Variants in ZNF860 observed in about 807,000 individuals in gnomAD.
ZNF860 encodes zinc finger protein 860.
For synonymous variants in ZNF860, 206 were observed against 248.9 expected (o/e 0.83, Z 1.62); for missense variants, 641 against 759.2 (o/e 0.84, Z 1.83).
At chr3:32,001,343 TTC>T in the ZNF860 span, among the ~76,000 whole-genome samples, 2 of 152,230 alleles carry the variant, frequency 1.3e-5, no homozygotes, top group African/African-American at 4.8e-5. Flanking sequence ...TGTTGGTGTA[TTC>T]TGTCTGGCAT....
At chr3:31,993,775 T>G (rs1699061145), downstream of ZNF860, among the ~76,000 whole-genome samples, 1 of 151,938 alleles carries the variant, frequency 6.6e-6, no homozygotes, top group African/African-American at 2.4e-5. Context: ...CTGGTGAGAG[T>G]GCAAAATAAT....
chr3:31,997,731 T>C, the ZNF860 span, among the ~76,000 whole-genome samples: 1 of 152,188 alleles, frequency 6.6e-6, no homozygotes, highest in Non-Finnish European at 1.5e-5. Flanking sequence ...AGTTAGTGCC[T>C]CTTCCTTGTC....
At chr3:31,992,048 A>G (rs1699037968), downstream of ZNF860, among the ~76,000 whole-genome samples, 1 of 151,628 alleles carries the variant, frequency 6.6e-6, no homozygotes, top group Non-Finnish European at 1.5e-5. Context: ...GGGGAGGCTG[A>G]GGCAGGAGAA....
At chr3:31,997,913 G>A in the ZNF860 span, among the ~76,000 whole-genome samples, 1 of 151,966 alleles carries the variant, frequency 6.6e-6, no homozygotes, top group Non-Finnish European at 1.5e-5. Flanking sequence ...TTAGCCTCCC[G>A]AGTAGCTGGG....
chr3:31,987,288 G>A (rs1383971077), intron 1 of ZNF860, among the ~76,000 whole-genome samples: 3 of 152,148 alleles, frequency 2.0e-5, no homozygotes, highest in Admixed American at 6.5e-5. Context: ...TTCCTTTAGA[G>A]CTATATTATC....
At chr3:31,994,067 T>G (rs1037945222), downstream of ZNF860, among the ~76,000 whole-genome samples, 10 of 152,212 alleles carry the variant, frequency 6.6e-5, no homozygotes, top group African/African-American at 2.2e-4. Context: ...TAAACTATTG[T>G]TACATGCAAT....
At chr3:32,000,605 G>C in the ZNF860 span, among the ~76,000 whole-genome samples, 2 of 152,202 alleles carry the variant, frequency 1.3e-5, no homozygotes, top group Non-Finnish European at 2.9e-5. Context: ...AAATTGCGGG[G>C]CTGTTCTCAG....
At chr3:31,983,645 G>A (rs1047074790) in intron 1 of ZNF860, among the ~76,000 whole-genome samples, 1 of 152,188 alleles carries the variant, frequency 6.6e-6, no homozygotes, top group African/African-American at 2.4e-5. Flanking sequence ...TCCTGCTGGT[G>A]ACACTGTTCC....
chr3:31,999,045 G>A, the ZNF860 span, among the ~76,000 whole-genome samples: 1 of 152,200 alleles, frequency 6.6e-6, no homozygotes. Flanking sequence ...ATTTGTATCA[G>A]CCAGACAGTA....
intron 1 of ZNF860, among the ~76,000 whole-genome samples, chr3:31,983,305 G>A (rs1698887062): frequency 6.6e-6 from 1 of 152,114 alleles, no homozygotes; most frequent in Non-Finnish European, 1.5e-5. Context: ...CCTTTTATTG[G>A]AGACTGCCAC....
downstream of ZNF860, among the ~76,000 whole-genome samples, chr3:31,995,249 A>G (rs1018523951): frequency 2.0e-5 from 3 of 152,202 alleles, no homozygotes; most frequent in African/African-American, 4.8e-5. Context: ...AGTAAGCCTG[A>G]GAGTACTGCA....
chr3:31,996,948 C>T, the ZNF860 span, among the ~76,000 whole-genome samples: 2 of 152,166 alleles, frequency 1.3e-5, no homozygotes, highest in Non-Finnish European at 2.9e-5. Flanking sequence ...AGGCTCCCCA[C>T]TCACAATGGG....
the ZNF860 span, among the ~76,000 whole-genome samples, chr3:32,002,783 G>GT: frequency 2.6e-4 from 40 of 152,196 alleles, no homozygotes; most frequent in South Asian, 6.2e-4. Context: ...ACTACAGTGT[G>GT]CCCCTTGGGA....
Position 31,988,027 on chromosome 3 carries a change from GAGA to G in ZNF860, c.-420-630_-420-628del, listed in dbSNP as rs377716373. The stretch of plus-strand genomic sequence containing the variant: ...TCAGACAGGGAAGCCAAGAACCCCA[GAGA>G]AGTATTCCCAGGCCTTGAGACCTAA... On this transcript the variant is annotated intron_variant, in intron 1 of 1. Coordinates refer to ENST00000360311, the MANE Select transcript of ZNF860 (RefSeq NM_001137674.3). Among the ~76,000 whole-genome samples, 376 of 152,346 alleles carry G rather than the reference GAGA, an allele frequency of 2.5e-3. 1 individual carries two copies. The highest frequency in any genetic ancestry group is 0.014 in the South Asian group (70 of 4,830).
At chr3:31,983,011 T>G (rs1368730296) in intron 1 of ZNF860, among the ~76,000 whole-genome samples, 1 of 152,236 alleles carries the variant, frequency 6.6e-6, no homozygotes, top group Admixed American at 6.5e-5. Flanking sequence ...GAGAGCAGCA[T>G]GTCCCGGATA....
the ZNF860 span, among the ~76,000 whole-genome samples, chr3:32,003,840 G>GA: frequency 6.6e-6 from 1 of 152,158 alleles, no homozygotes; most frequent in Non-Finnish European, 1.5e-5. Context: ...GAGCAAGGTG[G>GA]AAAAGGGAGA....
chr3:32,000,631 C>A, the ZNF860 span, among the ~76,000 whole-genome samples: 1 of 152,216 alleles, frequency 6.6e-6, no homozygotes, highest in South Asian at 2.1e-4. Flanking sequence ...TTTGTCAGCC[C>A]TTCCTCGTGA....
At chr3:32,005,822 G>C in the ZNF860 span, among the ~76,000 whole-genome samples, 27 of 152,178 alleles carry the variant, frequency 1.8e-4, no homozygotes, top group African/African-American at 6.3e-4. Context: ...TCCTGACCTC[G>C]TGATCCGCCC....
At chr3:31,984,403 G>C (rs965008389) in intron 1 of ZNF860, among the ~76,000 whole-genome samples, 3 of 151,890 alleles carry the variant, frequency 2.0e-5, no homozygotes, top group Non-Finnish European at 2.9e-5. Flanking sequence ...TGGGGAAGCT[G>C]ATAGATTGGG....
Sources: gnomAD v4.1 joint callset for allele counts (sites outside exome capture counted in the v4.1 genomes callset) on GRCh38, gnomAD v4.1.1 for gene constraint, MANE v1.5 for transcripts, NCBI Gene and HGNC (gene_info 2026-07-23, HGNC 2026-07-21) for gene names.